The following ASAH2 variants were observed in gnomAD, a reference collection of about 807,000 sequenced individuals.
ASAH2 encodes the protein N-acylsphingosine amidohydrolase 2.
ASAH2 carries 58 observed loss-of-function variants against 82.9 expected under a neutral mutation model. That is an observed-to-expected ratio of 0.70 (90% CI 0.57 to 0.87). The LOEUF (loss-of-function observed/expected upper bound fraction) is 0.87, where lower values mean the gene tolerates loss of function less well. ASAH2 is among the 40% of genes least tolerant of loss of function. ASAH2 has a pLI of 0.00. For missense variants in ASAH2, 779 were observed against 834.0 expected, an observed-to-expected ratio of 0.93 and a Z score of 0.81; for synonymous variants, 276 against 289.7, an observed-to-expected ratio of 0.95 and a Z score of 0.48.
In ASAH2 at chr10:50,187,118, T is replaced by TCACATACACACA. The variant is rs1844770230; in HGVS notation, c.*196_*197insTGTGTGTATGTG. ...CTCTCTCTCTCTCTCTCTCTCTCTC[T>TCACATACACACA]CACACACACACACACACACACACAC... On this transcript the variant is annotated 3_prime_UTR_variant, in exon 21 of 21. Coordinates refer to ENST00000682911, the MANE Select transcript of ASAH2 (RefSeq NM_019893.4). 7.1e-6 allele frequency: 1 copy of TCACATACACACA among 140,976 alleles called. No homozygotes were observed. The highest frequency in any genetic ancestry group is 5.5e-5 in the African/African-American group (1 of 18,050). The allele number at this position is 140,976 out of a possible 1,614,324, so 8.7% of individuals were successfully genotyped here. A position where few individuals can be genotyped will look rare whatever the true frequency, so the allele number is the denominator to read the frequency against.
chr10:50,217,388 C>T (rs190977506), intron 8 of ASAH2, among the ~76,000 whole-genome samples: 9 of 152,008 alleles, frequency 5.9e-5, no homozygotes, highest in Admixed American at 1.3e-4. Context: ...CCACCATGCC[C>T]GATTAATGTT....
intron 7 of ASAH2, 42 bp from the exon 8 acceptor site, chr10:50,218,672 G>C (rs975611099): frequency 1.9e-6 from 3 of 1,612,782 alleles, no homozygotes; most frequent in Non-Finnish European, 2.5e-6. Context: ...AGGAGAACGA[G>C]AGAACTGGGG....
chr10:50,248,741 G>A, intron 1 of ASAH2, 95 bp from the exon 2 acceptor site: 1 of 950,568 alleles, frequency 1.1e-6, no homozygotes, highest in Non-Finnish European at 1.5e-6. Flanking sequence ...ACTATACCAA[G>A]AACGACAAGT....
At chr10:50,233,820 T>C (rs1450508605) in intron 6 of ASAH2, among the ~76,000 whole-genome samples, 1 of 152,114 alleles carries the variant, frequency 6.6e-6, no homozygotes, top group Non-Finnish European at 1.5e-5. Context: ...TCTCTTCTGT[T>C]ACAAACCTGG....
chr10:50,207,633 TAA>T lies in ASAH2; in HGVS notation c.1415-1538_1415-1537del, dbSNP rs34303021. On this transcript the variant is annotated intron_variant, in intron 12 of 20. Coordinates refer to ENST00000682911, the MANE Select transcript of ASAH2 (RefSeq NM_019893.4). Reference sequence around the variant, plus strand: ...TTGACTCAAGAAGAAATAGGCAATCTAAAAAAAAAAAACTATAAAAAGTAAAG... The same window carrying T: ...TTGACTCAAGAAGAAATAGGCAATCTAAAAAAAAAACTATAAAAAGTAAAG... 6.6e-3 allele frequency among the ~76,000 whole-genome samples: 974 copies of T among 147,140 alleles called. 6 individuals carry two copies. Among genetic ancestry groups the T allele is most frequent in the African/African-American group, 0.02 (794 of 40,510 alleles).
At chr10:50,247,026 T>C (rs1039582327) in intron 2 of ASAH2, among the ~76,000 whole-genome samples, 1 of 152,248 alleles carries the variant, frequency 6.6e-6, no homozygotes, top group Non-Finnish European at 1.5e-5. Context: ...CTCACTATAG[T>C]GCTCAACATA....
chr10:50,238,646 A>T (rs1212326501), intron 4 of ASAH2, among the ~76,000 whole-genome samples: 3 of 152,192 alleles, frequency 2.0e-5, no homozygotes, highest in Non-Finnish European at 2.9e-5. Context: ...AACAATTTGC[A>T]GCTAAGACAG....
Position 50,243,207 on chromosome 10 carries a change from G to T in ASAH2, c.505C>A (p.Leu169Met). 6.2e-7 allele frequency: 1 copy of T among 1,613,920 alleles called. No homozygotes were observed. Among genetic ancestry groups the T allele is most frequent in the Non-Finnish European group, 8.5e-7 (1 of 1,179,916 alleles). ...DIGMVSQRLR[L>M]EVLNRLQSKY... ...TCTCCTCTCAAATCACTTACCTCCA[G>T]CCTGAGCCTTTGTGATACCATGCCT... Residue 169 changes from leucine to methionine, a missense_variant, in exon 4 of 21, where the codon CTG (leucine) becomes ATG (methionine). Coordinates refer to ENST00000682911, the MANE Select transcript of ASAH2 (RefSeq NM_019893.4).
intron 7 of ASAH2, among the ~76,000 whole-genome samples, chr10:50,220,180 T>C (rs952221122): frequency 6.6e-6 from 1 of 152,178 alleles, no homozygotes; most frequent in African/African-American, 2.4e-5. Flanking sequence ...GAACACAGAT[T>C]GGGTGTCAGA....
chr10:50,234,922 C>G (rs1236985556), intron 5 of ASAH2, among the ~76,000 whole-genome samples: 1 of 152,128 alleles, frequency 6.6e-6, no homozygotes, highest in Non-Finnish European at 1.5e-5. Context: ...TAACATGCAA[C>G]TGTTTCCACC....
chr10:50,245,431 T>G lies in ASAH2; in HGVS notation c.151A>C (p.Thr51Pro). 6.2e-7 allele frequency: 1 copy of G among 1,612,722 alleles called. No homozygotes were observed. The highest frequency in any genetic ancestry group is 8.5e-7 in the Non-Finnish European group (1 of 1,179,556). ...HKDLGGHFFSTTQSPPATQGS... is the reference protein window; with the variant it reads ...HKDLGGHFFSPTQSPPATQGS... Reference sequence around the variant, plus strand: ...TGGGTGGCTGGAGGGCTTTGGGTGGTTGAAAAAAAATGGCCTCCTAAATCT... The same window carrying G: ...TGGGTGGCTGGAGGGCTTTGGGTGGGTGAAAAAAAATGGCCTCCTAAATCT... Residue 51 changes from threonine to proline, a missense_variant, in exon 3 of 21, where the codon ACC (threonine) becomes CCC (proline). This residue lies in a region of ASAH2 where 759 missense variants were observed against 755.2 expected (regional missense o/e 1.00). Coordinates refer to ENST00000682911, the MANE Select transcript of ASAH2 (RefSeq NM_019893.4).
At chr10:50,206,613 T>C (rs1167655922) in intron 12 of ASAH2, among the ~76,000 whole-genome samples, 1 of 149,564 alleles carries the variant, frequency 6.7e-6, no homozygotes, top group Non-Finnish European at 1.5e-5. Context: ...TTCATATGCA[T>C]AATCTGGGGT....
intron 2 of ASAH2, 152 bp downstream of exon 2, chr10:50,248,332 G>A: frequency 1.1e-6 from 1 of 907,504 alleles, no homozygotes; most frequent in Non-Finnish European, 1.6e-6. Flanking sequence ...AATGCAGAAT[G>A]GGCAATTAAT....
intron 6 of ASAH2, 88 bp downstream of exon 6, chr10:50,234,337 T>C: frequency 6.4e-7 from 1 of 1,572,382 alleles, no homozygotes; most frequent in Middle Eastern, 1.7e-4. Flanking sequence ...GACCTCACCA[T>C]ATTCATCAAG....
At chr10:50,216,063 A>T (rs1367119680) in intron 8 of ASAH2, among the ~76,000 whole-genome samples, 1 of 151,934 alleles carries the variant, frequency 6.6e-6, no homozygotes, top group Non-Finnish European at 1.5e-5. Flanking sequence ...ACACAAGAAC[A>T]GAAAACCAAA....
intron 3 of ASAH2, among the ~76,000 whole-genome samples, chr10:50,244,336 T>C (rs888095781): frequency 1.3e-5 from 2 of 152,108 alleles, no homozygotes; most frequent in Non-Finnish European, 2.9e-5. Context: ...CCAAGCCACT[T>C]CTCTCACCAT....
intron 6 of ASAH2, 132 bp from the exon 7 acceptor site, chr10:50,233,393 C>G (rs935879315): frequency 1.4e-6 from 1 of 698,218 alleles, no homozygotes; most frequent in South Asian, 1.7e-5. Flanking sequence ...AGCAGTAGTT[C>G]TGTGAACTGT....
At position 50,245,255 on chromosome 10, in the gene ASAH2, A is replaced by T. The variant is rs767705180; in HGVS notation, c.327T>A (p.Ala109=). 6 of 1,614,156 alleles carry T rather than the reference A, an allele frequency of 3.7e-6. No individual in the cohort carries two copies. The South Asian group carries it at 5.5e-5, about 15-fold the overall frequency. Residue 109 remains alanine (A), a synonymous_variant, in exon 3 of 21, where the codon GCT becomes GCA. Coordinates refer to ENST00000682911, the MANE Select transcript of ASAH2 (RefSeq NM_019893.4). ...TATCTGCTACTTGTCCTGTGCAGTC[A>T]GCTCGTCCAACACCAATATGGTAGC... The part of the protein sequence containing the change: ...FSGYHIGVGR[A]DCTGQVADIN...
intron 2 of ASAH2, among the ~76,000 whole-genome samples, chr10:50,247,564 A>C (rs1048440108): frequency 6.6e-6 from 1 of 152,124 alleles, no homozygotes; most frequent in Non-Finnish European, 1.5e-5. Flanking sequence ...TGTGTTTGCC[A>C]GGAATTCAAA....
Sources: gnomAD v4.1 joint callset for allele counts (sites outside exome capture counted in the v4.1 genomes callset) on GRCh38, gnomAD v4.1.1 for gene constraint, gnomAD v4.1.1 regional missense constraint, MANE v1.5 for transcripts, NCBI Gene and HGNC (gene_info 2026-07-23, HGNC 2026-07-21) for gene names.